Variants in CCDC148 observed in about 807,000 individuals in gnomAD.
CCDC148 encodes the protein coiled-coil domain containing 148.
Under a neutral mutation model 85.7 loss-of-function variants are expected in CCDC148, and 89 were observed. The ratio of observed to expected loss-of-function variants is 1.04; its 90% CI spans 0.87 to 1.24. CCDC148 has a LOEUF of 1.24. Among genes scored for constraint, CCDC148 ranks in the 50% most tolerant of loss-of-function variants. CCDC148 has a pLI of 0.00. For synonymous variants in CCDC148, 230 were observed against 213.9 expected (o/e 1.08, Z -0.66); for missense variants, 692 against 671.7 (o/e 1.03, Z -0.33).
chr2:158,180,238 T>G (rs968035930), intron 11 of CCDC148, among the ~76,000 whole-genome samples: 3 of 152,198 alleles, frequency 2.0e-5, no homozygotes, highest in African/African-American at 7.2e-5. Flanking sequence ...ATTCTGGTAT[T>G]TACTGCGTGT....
intron 9 of CCDC148, among the ~76,000 whole-genome samples, chr2:158,282,575 C>T (rs186245380): frequency 0.024 from 3,655 of 152,044 alleles, 97 homozygotes; most frequent in African/African-American, 0.068. Flanking sequence ...TTACAAGGGA[C>T]GTGAAGGACC....
chr2:158,431,482 GT>G (rs140221541), intron 1 of CCDC148, among the ~76,000 whole-genome samples: 1 of 138,010 alleles, frequency 7.2e-6, no homozygotes, highest in East Asian at 2.0e-4. Context: ...TAAAAAAGGT[GT>G]TTTTTAAAAA....
At chr2:158,206,524 G>A (rs1686254850) in intron 11 of CCDC148, among the ~76,000 whole-genome samples, 1 of 152,184 alleles carries the variant, frequency 6.6e-6, no homozygotes, top group South Asian at 2.1e-4. Flanking sequence ...AGGGGATGGA[G>A]GAGGGAAATT....
chr2:158,341,310 T>A (rs1304616933), intron 3 of CCDC148, among the ~76,000 whole-genome samples: 1 of 3,360 alleles, frequency 3.0e-4, no homozygotes, highest in African/African-American at 1.2e-3. Context: ...TACATACATA[T>A]TTTTTTTTTT....
At chr2:158,455,373 A>G (rs929509612) in intron 1 of CCDC148, among the ~76,000 whole-genome samples, 1 of 151,886 alleles carries the variant, frequency 6.6e-6, no homozygotes. Flanking sequence ...TTCACATTTT[A>G]CTACAAATGT....
chr2:158,239,401 C>T (rs903192095), intron 10 of CCDC148, among the ~76,000 whole-genome samples: 4 of 148,294 alleles, frequency 2.7e-5, no homozygotes, highest in Admixed American at 2.0e-4. Flanking sequence ...AAAAGATGCT[C>T]TAGTGGAAGT....
chr2:158,408,357 C>T (rs1686113857), intron 1 of CCDC148, among the ~76,000 whole-genome samples: 1 of 152,040 alleles, frequency 6.6e-6, no homozygotes, highest in Non-Finnish European at 1.5e-5. Flanking sequence ...ATAACTGAAA[C>T]TTTGTACCCT....
intron 1 of CCDC148, chr2:158,366,047 G>T (rs905855698): frequency 6.5e-7 from 1 of 1,542,754 alleles, no homozygotes; most frequent in Non-Finnish European, 8.7e-7. Flanking sequence ...GTCATGAATG[G>T]TTGGTCTCTT....
At chr2:158,221,189 G>A (rs951457249) in intron 10 of CCDC148, among the ~76,000 whole-genome samples, 2 of 152,190 alleles carry the variant, frequency 1.3e-5, no homozygotes, top group Non-Finnish European at 2.9e-5. Context: ...TGCTTCTGGG[G>A]AAGTGGCAGG....
chr2:158,313,628 A>G, intron 8 of CCDC148, 128 bp downstream of exon 8: 1 of 973,716 alleles, frequency 1.0e-6, no homozygotes. Context: ...ATATAACCCT[A>G]TTATTTTCTA....
intron 1 of CCDC148, among the ~76,000 whole-genome samples, chr2:158,433,734 T>C (rs1687491190): frequency 6.6e-6 from 1 of 152,172 alleles, no homozygotes; most frequent in African/African-American, 2.4e-5. Flanking sequence ...CAAAGGAAGC[T>C]GTGACAGACG....
rs559171648 is a variant in CCDC148, at chr2:158,281,321, A to G, written c.1110+28112T>C. On this transcript the variant is annotated intron_variant, in intron 9 of 13. Transcript: ENST00000283233. ...ATAGAGACACAAAAAACCCTTCAAAAAATTAATGAATCCAGGAGCTGGTTT... is the reference window on the plus strand; with the variant it reads ...ATAGAGACACAAAAAACCCTTCAAAGAATTAATGAATCCAGGAGCTGGTTT... Among the ~76,000 whole-genome samples the G allele has an allele frequency of 2.0e-5, 3 of 152,318 alleles. No individual in the cohort carries two copies. The South Asian group carries it at 6.2e-4, about 32-fold the overall frequency.
chr2:158,252,663 C>A (rs1688841585), intron 9 of CCDC148, among the ~76,000 whole-genome samples: 1 of 151,678 alleles, frequency 6.6e-6, no homozygotes, highest in African/African-American at 2.4e-5. Context: ...ACAGATACTG[C>A]TCTCTTCTTC....
At position 158,456,728 on chromosome 2, in the gene CCDC148, T is replaced by C. The variant is rs1302507034; in HGVS notation, c.-289A>G. The C allele has an allele frequency of 4.2e-6, 2 of 473,328 alleles. No homozygotes were observed. Among genetic ancestry groups the C allele is most frequent in the South Asian group, 2.5e-5 (1 of 40,150 alleles). 29.3% of individuals were successfully genotyped at this position (473,328 alleles called of 1,614,324 possible). ...TCACACCCACCCTCTCCAGGCCCTC[T>C]CGCGCTGAACAGCATCGGTCTCTAT... On this transcript the variant is annotated 5_prime_UTR_variant, in exon 1 of 14. Coordinates refer to ENST00000283233, the MANE Select transcript of CCDC148 (RefSeq NM_138803.4).
At chr2:158,285,401 T>C (rs1690571796) in intron 9 of CCDC148, among the ~76,000 whole-genome samples, 2 of 151,278 alleles carry the variant, frequency 1.3e-5, no homozygotes, top group South Asian at 4.2e-4. Flanking sequence ...AAGCATAGCA[T>C]ATGAAATAGG....
intron 1 of CCDC148, among the ~76,000 whole-genome samples, chr2:158,421,965 ATG>A (rs1686814898): frequency 1.3e-5 from 2 of 152,212 alleles, no homozygotes; most frequent in Admixed American, 6.5e-5. Flanking sequence ...AAACACCTCT[ATG>A]CAAATAAACT....
chr2:158,452,792 C>T (rs553198711), intron 1 of CCDC148, among the ~76,000 whole-genome samples: 23 of 152,286 alleles, frequency 1.5e-4, no homozygotes, highest in South Asian at 4.1e-4. Context: ...TGTGGATATA[C>T]GTACTAGGAA....
rs59587515 is a variant in CCDC148, at chr2:158,269,716, A to G, written c.1111-18804T>C. Among the ~76,000 whole-genome samples the G allele has an allele frequency of 7.4e-3, 1,127 of 152,284 alleles. 19 individuals are homozygous for G. Among genetic ancestry groups the G allele is most frequent in the African/African-American group, 0.026 (1,075 of 41,560 alleles). On this transcript the variant is annotated intron_variant, in intron 9 of 13. Coordinates refer to ENST00000283233, the MANE Select transcript of CCDC148 (RefSeq NM_138803.4). ...GAACACTGTAGTGCCCATAGTGGTG[A>G]CCAACAAAATAATGCATCCTTGGAA...
intron 1 of CCDC148, among the ~76,000 whole-genome samples, chr2:158,452,616 T>C (rs1229286783): frequency 2.0e-5 from 3 of 152,116 alleles, no homozygotes; most frequent in Non-Finnish European, 4.4e-5. Context: ...GTTCTCTTGT[T>C]CTCTTAATTT....
Sources: allele counts gnomAD v4.1 joint callset (sites outside exome capture counted in the v4.1 genomes callset), GRCh38; gene constraint gnomAD v4.1.1; transcripts MANE v1.5; gene names NCBI Gene and HGNC (gene_info 2026-07-23, HGNC 2026-07-21).